Variants in SSH2 observed in about 807,000 individuals in gnomAD.
SSH2 encodes the protein protein phosphatase Slingshot homolog 2.
A neutral mutation model predicts 135.2 loss-of-function variants in SSH2; 37 were observed. The observed-to-expected ratio is 0.27, with a 90% confidence interval of 0.21 to 0.36. The LOEUF (loss-of-function observed/expected upper bound fraction) is 0.36. Ranked by LOEUF, SSH2 falls within the 10% of genes least tolerant of loss-of-function variation. SSH2 has a pLI of 1.00. For synonymous variants in SSH2, 628 were observed against 646.2 expected (o/e 0.97, Z 0.43); for missense variants, 1,408 against 1,765.3 (o/e 0.80, Z 3.63).
chr17:29,825,335 C>G lies in SSH2; in HGVS notation c.144+23514G>C, dbSNP rs555292190. The stretch of plus-strand genomic sequence containing the variant: ...GAGAATATGCTATCCTTCATGTAAG[C>G]TGGAGAATCCAATACAAAGATTATA... On this transcript the variant is annotated intron_variant, in intron 2 of 15. Coordinates refer to ENST00000540801, the MANE Select transcript of SSH2 (RefSeq NM_001282129.2). Among the ~76,000 whole-genome samples the G allele has an allele frequency of 3.3e-5, 5 of 152,238 alleles. 1 individual carries two copies. In the South Asian group the frequency reaches 1.0e-3, roughly 32 times the overall value.
rs780172322 is a variant in SSH2, at chr17:29,632,475, C to T, written c.2719G>A (p.Glu907Lys). Residue 907 changes from glutamate to lysine, a missense_variant, in exon 16 of 16, where the codon GAG (glutamate) becomes AAG (lysine). Around this residue, in one of 3 missense-constraint regions of SSH2, gnomAD observed 1,080 missense variants for 1,144.5 expected, o/e 0.94. Transcript: ENST00000540801. ...TLEFEERLRQ[E>K]QEHHGAAPTC... Reference sequence around the variant, plus strand: ...GGGGCAGCACCATGATGCTCTTGCTCCTGCCGTAAGCGCTCTTCGAACTCC... The same window carrying T: ...GGGGCAGCACCATGATGCTCTTGCTTCTGCCGTAAGCGCTCTTCGAACTCC... 6.2e-7 allele frequency: 1 copy of T among 1,614,192 alleles called. No individual in the cohort carries two copies. Among genetic ancestry groups the T allele is most frequent in the Non-Finnish European group, 8.5e-7 (1 of 1,180,028 alleles).
Position 29,694,091 on chromosome 17 carries a change from A to AT in SSH2, c.357+1367dup, listed in dbSNP as rs796445760. The stretch of plus-strand genomic sequence containing the variant: ...TCTGAAAACATTATGAGATATTGTG[A>AT]TTTTTTTTTTAAGCTCATCAGCTAT... On this transcript the variant is annotated intron_variant, in intron 5 of 15. Coordinates refer to ENST00000540801, the MANE Select transcript of SSH2 (RefSeq NM_001282129.2). Among the ~76,000 whole-genome samples, 264 of 150,510 alleles carry AT rather than the reference A, an allele frequency of 1.8e-3. 1 individual carries two copies. The highest frequency in any genetic ancestry group is 1.6e-3 in the Non-Finnish European group (110 of 67,480).
chr17:29,634,107 G>A (rs146463033), intron 15 of SSH2, among the ~76,000 whole-genome samples: 88 of 152,350 alleles, frequency 5.8e-4, no homozygotes, highest in African/African-American at 2.1e-3. Flanking sequence ...ATGGTCCAAA[G>A]GAGAGCACAA....
chr17:29,655,879 T>G (rs1260965488), intron 11 of SSH2, among the ~76,000 whole-genome samples: 1 of 152,216 alleles, frequency 6.6e-6, no homozygotes, highest in East Asian at 1.9e-4. Context: ...AGAGGTGTCT[T>G]TAACCATCAT....
In SSH2 at chr17:29,668,971, G is replaced by A. The variant is rs191617267; in HGVS notation, c.810-1748C>T. On this transcript the variant is annotated intron_variant, in intron 9 of 15. Transcript: ENST00000540801. ...TTCTATAAAATGAGTAGAGCAGGCC[G>A]GGTGTGGTAGCTCACACCTATAATC... 9.9e-4 allele frequency among the ~76,000 whole-genome samples: 151 copies of A among 151,956 alleles called. 2 individuals are homozygous for A. The Middle Eastern group carries it at 0.01, about 10-fold the overall frequency.
intron 3 of SSH2, among the ~76,000 whole-genome samples, chr17:29,753,411 G>A (rs914136229): frequency 1.3e-5 from 2 of 151,908 alleles, no homozygotes; most frequent in African/African-American, 4.8e-5. Flanking sequence ...GATTATAGGT[G>A]TGAGCCACTG....
intron 3 of SSH2, among the ~76,000 whole-genome samples, chr17:29,754,901 C>A (rs2041064710): frequency 6.6e-6 from 1 of 152,174 alleles, no homozygotes; most frequent in Non-Finnish European, 1.5e-5. Flanking sequence ...TCAAGGGATC[C>A]ACCTGCTTCG....
At chr17:29,797,986 G>C (rs963282097) in intron 2 of SSH2, among the ~76,000 whole-genome samples, 2 of 152,030 alleles carry the variant, frequency 1.3e-5, no homozygotes, top group Non-Finnish European at 2.9e-5. Context: ...TCACAAGACA[G>C]AGGCATGTAT....
rs115418576 is a variant in SSH2 at position 29,837,835 on chromosome 17, A to C, written c.144+11014T>G. On this transcript the variant is annotated intron_variant, in intron 2 of 15. Transcript: ENST00000540801. ...AGAGGAGGCATGGCCAGGGCTGCGC[A>C]CTCCATGGAGCTGGGGGGAGCTGGG... Among the ~76,000 whole-genome samples the C allele has an allele frequency of 4.6e-3, 693 of 152,270 alleles. 8 individuals are homozygous for C. Among genetic ancestry groups the C allele is most frequent in the African/African-American group, 0.016 (655 of 41,552 alleles).
intron 10 of SSH2, 66 bp downstream of exon 10, chr17:29,667,064 C>T (rs1489518062): frequency 1.5e-5 from 24 of 1,607,956 alleles, no homozygotes; most frequent in Non-Finnish European, 2.0e-5. Context: ...TGCACTATTT[C>T]CAGCCCCACA....
At chr17:29,660,442 T>G (rs1348648483) in intron 11 of SSH2, among the ~76,000 whole-genome samples, 1 of 151,812 alleles carries the variant, frequency 6.6e-6, no homozygotes, top group Non-Finnish European at 1.5e-5. Context: ...AATTTTTGTA[T>G]TTTTAGTAGA....
chr17:29,670,386 C>T (rs757566351), intron 9 of SSH2, among the ~76,000 whole-genome samples: 2 of 152,170 alleles, frequency 1.3e-5, no homozygotes, highest in South Asian at 4.1e-4. Context: ...TTGAAAAGAC[C>T]AAGGCTACTA....
intron 1 of SSH2, among the ~76,000 whole-genome samples, chr17:29,891,073 A>T (rs2066341261): frequency 6.6e-6 from 1 of 152,154 alleles, no homozygotes; most frequent in Non-Finnish European, 1.5e-5. Flanking sequence ...TCTTTAAAAG[A>T]TCATCCTGTG....
intron 3 of SSH2, among the ~76,000 whole-genome samples, chr17:29,752,936 G>A (rs2040996635): frequency 6.6e-6 from 1 of 151,956 alleles, no homozygotes; most frequent in South Asian, 2.1e-4. Context: ...TTTAAGAGCA[G>A]GGACTCTGGA....
At chr17:29,688,214 T>C (rs1331462094) in intron 5 of SSH2, among the ~76,000 whole-genome samples, 1 of 152,104 alleles carries the variant, frequency 6.6e-6, no homozygotes, top group African/African-American at 2.4e-5. Context: ...TTTCACCATG[T>C]TGGCCAGGAT....
intron 2 of SSH2, among the ~76,000 whole-genome samples, chr17:29,848,169 C>T (rs1165216986): frequency 2.0e-5 from 3 of 152,172 alleles, no homozygotes; most frequent in Non-Finnish European, 1.5e-5. Flanking sequence ...GGGGGAAGTT[C>T]ACTTATATCT....
chr17:29,632,407 A>G lies in SSH2; in HGVS notation c.2787T>C (p.Asp929=), dbSNP rs764800523. 6 of 1,614,170 alleles carry G rather than the reference A, an allele frequency of 3.7e-6. No individual in the cohort carries two copies. Residue 929 remains aspartate (D), a synonymous_variant, in exon 16 of 16, where the codon GAT becomes GAC. Coordinates refer to ENST00000540801, the MANE Select transcript of SSH2 (RefSeq NM_001282129.2). ...TTGGTGCTAGGTCTGCCACAGAAGAATCATTCTTTGAATTCTTACGAGTGG... is the reference window on the plus strand; with the variant it reads ...TTGGTGCTAGGTCTGCCACAGAAGAGTCATTCTTTGAATTCTTACGAGTGG... ...SLSTRKNSKN[D]SSVADLAPKG... is the part of the protein sequence containing the mutation.
intron 1 of SSH2, among the ~76,000 whole-genome samples, chr17:29,896,935 C>G (rs1189435690): frequency 1.3e-5 from 2 of 151,528 alleles, no homozygotes; most frequent in Non-Finnish European, 2.9e-5. Context: ...CGAAAATGAA[C>G]AAGAAAGGTT....
At chr17:29,806,118 G>A (rs1184671546) in intron 2 of SSH2, among the ~76,000 whole-genome samples, 1 of 152,058 alleles carries the variant, frequency 6.6e-6, no homozygotes, top group Non-Finnish European at 1.5e-5. Context: ...TTAAATATGG[G>A]GCAGACAGCA....
Sources: gnomAD v4.1 joint callset for allele counts (sites outside exome capture counted in the v4.1 genomes callset) on GRCh38, gnomAD v4.1.1 for gene constraint, gnomAD v4.1.1 regional missense constraint, MANE v1.5 for transcripts, NCBI Gene and HGNC (gene_info 2026-07-23, HGNC 2026-07-21) for gene names.